The following EML6 variants were observed in gnomAD, a reference collection of about 807,000 sequenced individuals.
EML6 encodes the protein EMAP like 6, also known as echinoderm microtubule-associated protein-like 6.
EML6 carries 154 observed loss-of-function variants against 240.1 expected under a neutral mutation model. The ratio of observed to expected loss-of-function variants is 0.64; its 90% CI spans 0.56 to 0.73. The LOEUF is 0.73. Ranked by LOEUF, EML6 falls within the 30% of genes least tolerant of loss-of-function variation. The pLI, the probability that EML6 is intolerant of heterozygous loss-of-function variation, is 0.00. For missense variants in EML6, 2,964 were observed against 2,474.6 expected, an observed-to-expected ratio of 1.20 and a Z score of -4.20; for synonymous variants, 1,148 against 899.0, an observed-to-expected ratio of 1.28 and a Z score of -4.95.
At chr2:54,743,528 C>T (rs1274369686) in intron 2 of EML6, among the ~76,000 whole-genome samples, 2 of 152,170 alleles carry the variant, frequency 1.3e-5, no homozygotes, top group Admixed American at 6.5e-5. Flanking sequence ...TAGTAACCAA[C>T]AGACCCAACT....
chr2:54,968,822 C>G, intron 41 of EML6, 54 bp downstream of exon 41: 1 of 989,446 alleles, frequency 1.0e-6, no homozygotes, highest in Non-Finnish European at 1.6e-6. Flanking sequence ...AGCTCTCCCT[C>G]CCCATCTCAG....
chr2:54,899,808 G>C, intron 22 of EML6, 26 bp downstream of exon 22: 1 of 1,535,944 alleles, frequency 6.5e-7, no homozygotes, highest in Non-Finnish European at 8.8e-7. Flanking sequence ...TTACACATCT[G>C]TCAGAGTATT....
intron 10 of EML6, 79 bp downstream of exon 10, chr2:54,850,297 T>C (rs929798869): frequency 4.0e-5 from 53 of 1,311,354 alleles, no homozygotes; most frequent in Non-Finnish European, 5.3e-5. Flanking sequence ...ACAAGTGTCA[T>C]GGCTCTTTTA....
chr2:54,961,184 G>GTTGTTTTTTTTTTTGT, intron 35 of EML6, among the ~76,000 whole-genome samples: 1 of 55,424 alleles, frequency 1.8e-5, no homozygotes, highest in Non-Finnish European at 3.2e-5. Context: ...TCAGGAAGTA[G>GTTGTTTTTTTTTTTGT]TTTTTTTTTT....
chr2:54,910,732 G>T (rs1335032227), intron 24 of EML6, among the ~76,000 whole-genome samples: 1 of 152,158 alleles, frequency 6.6e-6, no homozygotes, highest in Non-Finnish European at 1.5e-5. Context: ...GGATGTTGAA[G>T]ATCAAATATT....
intron 2 of EML6, among the ~76,000 whole-genome samples, chr2:54,789,371 G>T: frequency 6.6e-6 from 1 of 151,250 alleles, no homozygotes; most frequent in East Asian, 1.9e-4. Flanking sequence ...AAAATTAGCC[G>T]GGCGTGATGG....
chr2:54,795,895 C>G (rs1015064337), intron 2 of EML6, among the ~76,000 whole-genome samples: 3 of 152,148 alleles, frequency 2.0e-5, no homozygotes, highest in African/African-American at 7.2e-5. Flanking sequence ...GCTTAAAAAG[C>G]TGCTTCTGTG....
chr2:54,943,622 GA>G (rs1675539812), intron 28 of EML6, among the ~76,000 whole-genome samples: 1 of 152,074 alleles, frequency 6.6e-6, no homozygotes, highest in Non-Finnish European at 1.5e-5. Context: ...TGAGTCCAGT[GA>G]CTCTCCTCTC....
intron 10 of EML6, among the ~76,000 whole-genome samples, chr2:54,851,367 C>T (rs548636767): frequency 5.9e-5 from 9 of 152,176 alleles, no homozygotes; most frequent in South Asian, 2.1e-4. Context: ...GAGCTGAGAT[C>T]GCACCACTGC....
At chr2:54,843,573 G>T (rs1213182317) in intron 7 of EML6, among the ~76,000 whole-genome samples, 1 of 152,126 alleles carries the variant, frequency 6.6e-6, no homozygotes, top group Non-Finnish European at 1.5e-5. Flanking sequence ...GGCTGGGCGT[G>T]GTGGCTCATG....
At chr2:54,870,422 GA>G (rs747813632) in intron 15 of EML6, among the ~76,000 whole-genome samples, 9 of 151,930 alleles carry the variant, frequency 5.9e-5, no homozygotes, top group Non-Finnish European at 1.2e-4. Context: ...ATATTTGGGG[GA>G]AAAAGGATCC....
At chr2:54,857,464 G>A (rs182998568) in intron 11 of EML6, among the ~76,000 whole-genome samples, 5 of 152,278 alleles carry the variant, frequency 3.3e-5, no homozygotes, top group African/African-American at 7.2e-5. Flanking sequence ...GCTGTCCTAC[G>A]GGATGGAGAT....
At chr2:54,883,234 A>G (rs1286724757) in intron 17 of EML6, among the ~76,000 whole-genome samples, 2 of 152,064 alleles carry the variant, frequency 1.3e-5, no homozygotes, top group African/African-American at 4.8e-5. Flanking sequence ...ATTTGTATTC[A>G]TTTTTATTTA....
intron 11 of EML6, among the ~76,000 whole-genome samples, chr2:54,857,140 G>A (rs1179410906): frequency 6.6e-6 from 1 of 152,206 alleles, no homozygotes; most frequent in Admixed American, 6.5e-5. Flanking sequence ...TGCACATAAG[G>A]GGAAGAGGAA....
intron 18 of EML6, among the ~76,000 whole-genome samples, chr2:54,891,629 A>G (rs1672472102): frequency 6.6e-6 from 1 of 152,232 alleles, no homozygotes; most frequent in African/African-American, 2.4e-5. Flanking sequence ...TAAGCATGAG[A>G]AAACATAGAG....
chr2:54,789,351 A>G (rs959161505), intron 2 of EML6, among the ~76,000 whole-genome samples: 1 of 150,700 alleles, frequency 6.6e-6, no homozygotes, highest in Non-Finnish European at 1.5e-5. Context: ...GTCTCTACTA[A>G]AAATACAAAA....
At chr2:54,754,131 T>C (rs2103723124) in intron 2 of EML6, among the ~76,000 whole-genome samples, 1 of 150,878 alleles carries the variant, frequency 6.6e-6, no homozygotes, top group South Asian at 2.1e-4. Flanking sequence ...CGAGACTCCG[T>C]CTCAAAAAAA....
intron 16 of EML6, among the ~76,000 whole-genome samples, chr2:54,878,304 C>A (rs1183445793): frequency 6.6e-6 from 1 of 152,098 alleles, no homozygotes; most frequent in Non-Finnish European, 1.5e-5. Flanking sequence ...TATCACAGAC[C>A]TGTGTTGCTT....
chr2:54,929,006 A>T (rs943205845), intron 28 of EML6, among the ~76,000 whole-genome samples: 7 of 143,656 alleles, frequency 4.9e-5, no homozygotes, highest in African/African-American at 1.8e-4. Context: ...ATTTAGTTGG[A>T]CTACACTTCT....
Sources: allele counts gnomAD v4.1 joint callset (sites outside exome capture counted in the v4.1 genomes callset), GRCh38; gene constraint gnomAD v4.1.1; transcripts MANE v1.5; gene names NCBI Gene and HGNC (gene_info 2026-07-23, HGNC 2026-07-21).